The following CBFA2T2 variants were observed in gnomAD, a reference collection of about 807,000 sequenced individuals.
CBFA2T2 encodes the protein protein CBFA2T2.
CBFA2T2 carries 11 observed loss-of-function variants against 62.2 expected under a neutral mutation model. The observed-to-expected ratio is 0.18, with a 90% CI of 0.11 to 0.29. CBFA2T2 has a LOEUF of 0.29. Ranked by LOEUF, CBFA2T2 falls within the 10% of genes least tolerant of loss-of-function variation. The probability of loss-of-function intolerance (pLI) is 1.00; values close to 1 mark genes in which losing one functional copy is unlikely to be tolerated. For missense variants in CBFA2T2, 592 were observed against 774.1 expected, an observed-to-expected ratio of 0.76 and a Z score of 2.79; for synonymous variants, 295 against 287.5, an observed-to-expected ratio of 1.03 and a Z score of -0.27.
intron 1 of CBFA2T2, among the ~76,000 whole-genome samples, chr20:33,559,381 C>A (rs928426099): frequency 4.6e-5 from 7 of 151,908 alleles, no homozygotes; most frequent in Admixed American, 4.6e-4. Context: ...ACTATCTTGG[C>A]CAGGCTGGTC....
intron 1 of CBFA2T2, among the ~76,000 whole-genome samples, chr20:33,584,022 A>C (rs2014248264): frequency 6.6e-6 from 1 of 152,104 alleles, no homozygotes; most frequent in Non-Finnish European, 1.5e-5. Context: ...ATCTTGGCTC[A>C]CTGAGACCTC....
chr20:33,557,605 C>G (rs1467297202), intron 1 of CBFA2T2, among the ~76,000 whole-genome samples: 50 of 152,052 alleles, frequency 3.3e-4, no homozygotes, highest in Admixed American at 3.3e-3. Flanking sequence ...CTCCTGGTGT[C>G]AAGCAATACT....
chr20:33,494,256 TATATATATATA>T (rs2011172897), intron 1 of CBFA2T2, among the ~76,000 whole-genome samples: 1 of 76,422 alleles, frequency 1.3e-5, no homozygotes, highest in Non-Finnish European at 2.5e-5. Flanking sequence ...TATATATATA[TATATATATATA>T]TATATATTTT....
chr20:33,588,246 G>A (rs901654183), intron 1 of CBFA2T2, among the ~76,000 whole-genome samples: 6 of 151,888 alleles, frequency 4.0e-5, no homozygotes, highest in Admixed American at 3.9e-4. Context: ...AGTATTGTTA[G>A]TCTTTGTTTT....
intron 1 of CBFA2T2, among the ~76,000 whole-genome samples, chr20:33,577,647 T>C (rs1198802259): frequency 6.6e-6 from 1 of 152,234 alleles, no homozygotes; most frequent in Non-Finnish European, 1.5e-5. Context: ...GGTCACAATG[T>C]GCAAACTTCA....
At chr20:33,581,278 C>G (rs2014100615) in intron 1 of CBFA2T2, among the ~76,000 whole-genome samples, 1 of 152,170 alleles carries the variant, frequency 6.6e-6, no homozygotes, top group South Asian at 2.1e-4. Flanking sequence ...AGGTGGGTCT[C>G]AAACTCATGA....
chr20:33,574,650 A>T (rs1467740495), intron 1 of CBFA2T2, among the ~76,000 whole-genome samples: 4 of 152,238 alleles, frequency 2.6e-5, no homozygotes, highest in Non-Finnish European at 4.4e-5. Flanking sequence ...AAAAACTCTT[A>T]TAAAAAGTTG....
intron 3 of CBFA2T2, among the ~76,000 whole-genome samples, chr20:33,613,607 T>C (rs1203416959): frequency 3.3e-5 from 5 of 152,250 alleles, no homozygotes; most frequent in African/African-American, 1.2e-4. Flanking sequence ...AGTCAGTCTT[T>C]GCCTAGCACC....
At chr20:33,633,568 GTT>G (rs1275955684) in intron 8 of CBFA2T2, among the ~76,000 whole-genome samples, 1 of 152,120 alleles carries the variant, frequency 6.6e-6, no homozygotes, top group Non-Finnish European at 1.5e-5. Context: ...GATTCACAAT[GTT>G]TTCACAAATA....
At chr20:33,589,190 G>A (rs1251720974) in intron 1 of CBFA2T2, among the ~76,000 whole-genome samples, 1 of 152,178 alleles carries the variant, frequency 6.6e-6, no homozygotes, top group Non-Finnish European at 1.5e-5. Flanking sequence ...TGTGGGAGAT[G>A]CACAAATGAA....
intron 2 of CBFA2T2, among the ~76,000 whole-genome samples, chr20:33,610,654 G>C (rs1213331463): frequency 1.3e-5 from 2 of 151,968 alleles, no homozygotes; most frequent in African/African-American, 4.8e-5. Flanking sequence ...CTTTTTTCTG[G>C]TGTCTTGCTC....
At chr20:33,548,930 C>T (rs542484395) in intron 1 of CBFA2T2, among the ~76,000 whole-genome samples, 2 of 152,218 alleles carry the variant, frequency 1.3e-5, no homozygotes, top group Admixed American at 6.5e-5. Context: ...GCACTTCAGC[C>T]CCATCCTGGA....
rs1038438353 is a variant in CBFA2T2, at chr20:33,647,974, A to T, written c.*3328A>T. On this transcript the variant is annotated 3_prime_UTR_variant, in exon 11 of 11. Transcript: ENST00000342704. ...CACATTTCAAGAATCCCTTTCTGAA[A>T]TTCTCCAACTCTCTGGTCAGGAGGA... 1 of 152,308 alleles carries T rather than the reference A, an allele frequency of 6.6e-6. No individual in the cohort carries two copies. The highest frequency in any genetic ancestry group is 1.5e-5 in the Non-Finnish European group (1 of 68,048). 9.4% of individuals were successfully genotyped at this position (152,308 alleles called of 1,614,324 possible).
chr20:33,530,420 A>G (rs533968896), intron 1 of CBFA2T2, among the ~76,000 whole-genome samples: 195 of 151,970 alleles, frequency 1.3e-3, no homozygotes, highest in African/African-American at 4.6e-3. Flanking sequence ...TCTGATGCCC[A>G]TTGTTTGTTT....
At chr20:33,505,476 A>G (rs545701045) in intron 1 of CBFA2T2, among the ~76,000 whole-genome samples, 1 of 152,220 alleles carries the variant, frequency 6.6e-6, no homozygotes, top group South Asian at 2.1e-4. Context: ...CAGAAAAAAA[A>G]TGGTTGAATA....
intron 1 of CBFA2T2, among the ~76,000 whole-genome samples, chr20:33,537,424 C>T (rs532934084): frequency 3.3e-4 from 51 of 152,298 alleles, no homozygotes; most frequent in African/African-American, 1.1e-3. Flanking sequence ...TGCAGTGAGC[C>T]GAGATGGCAG....
intron 1 of CBFA2T2, among the ~76,000 whole-genome samples, chr20:33,568,944 T>A (rs1244084580): frequency 6.6e-6 from 1 of 152,158 alleles, no homozygotes; most frequent in Non-Finnish European, 1.5e-5. Context: ...ATTACACCCT[T>A]TTCCCCACCC....
At position 33,646,976 on chromosome 20, in the gene CBFA2T2, T is replaced by G. The variant is rs1052687335; in HGVS notation, c.*2330T>G. 6.6e-6 allele frequency: 1 copy of G among 152,170 alleles called. No individual in the cohort carries two copies. The highest frequency in any genetic ancestry group is 2.4e-5 in the African/African-American group (1 of 41,438). The allele number at this position is 152,170 out of a possible 1,614,324, so 9.4% of individuals were successfully genotyped here. A position where few individuals can be genotyped will look rare whatever the true frequency, so the allele number is the denominator to read the frequency against. On this transcript the variant is annotated 3_prime_UTR_variant, in exon 11 of 11. Transcript: ENST00000342704. ...CACGACACCTTTAAAATGCCTAGAT[T>G]TCCATTGCCTAAAGTAAGGTGTGAC...
chr20:33,603,261 A>C (rs559590472), intron 1 of CBFA2T2, among the ~76,000 whole-genome samples: 3 of 152,212 alleles, frequency 2.0e-5, no homozygotes, highest in Non-Finnish European at 4.4e-5. Context: ...TATCACTGCT[A>C]TCACACAGAG....
Sources: gnomAD v4.1 joint callset for allele counts (sites outside exome capture counted in the v4.1 genomes callset) on GRCh38, gnomAD v4.1.1 for gene constraint, MANE v1.5 for transcripts, NCBI Gene and HGNC (gene_info 2026-07-23, HGNC 2026-07-21) for gene names.